KLHL29: variants seen among roughly 807,000 people sequenced by gnomAD.
KLHL29 encodes kelch like family member 29.
Under a neutral mutation model 80.4 loss-of-function variants are expected in KLHL29, and 21 were observed. The ratio of observed to expected loss-of-function variants is 0.26; its 90% CI spans 0.19 to 0.38. KLHL29 has a LOEUF of 0.38. KLHL29 is among the 10% of genes least tolerant of loss of function. The pLI, the probability that KLHL29 is intolerant of heterozygous loss-of-function variation, is 1.00. For synonymous variants in KLHL29, 511 were observed against 526.8 expected (o/e 0.97, Z 0.41); for missense variants, 867 against 1,223.9 (o/e 0.71, Z 4.35).
intron 2 of KLHL29, among the ~76,000 whole-genome samples, chr2:23,486,038 A>G (rs1664925412): frequency 6.6e-6 from 1 of 152,068 alleles, no homozygotes; most frequent in Admixed American, 6.6e-5. Context: ...CTCACCTGTC[A>G]GTCATCCTGC....
At chr2:23,412,126 G>GGC (rs1553319925) in intron 1 of KLHL29, among the ~76,000 whole-genome samples, 2 of 131,160 alleles carry the variant, frequency 1.5e-5, no homozygotes, top group African/African-American at 6.8e-5. Context: ...GCGTGAAGGG[G>GGC]GGGGGGGGGC....
chr2:23,444,861 A>G (rs17710455), intron 1 of KLHL29, among the ~76,000 whole-genome samples: 67,617 of 151,962 alleles, frequency 0.44, 15,812 homozygotes, highest in African/African-American at 0.6. Context: ...TTGTGTGATT[A>G]TGTTATCAAT....
intron 2 of KLHL29, among the ~76,000 whole-genome samples, chr2:23,521,362 C>T (rs1666097530): frequency 6.6e-6 from 1 of 152,238 alleles, no homozygotes; most frequent in South Asian, 2.1e-4. Context: ...AGTTTCCAAG[C>T]AGACTTTATT....
chr2:23,455,547 GCAGA>G (rs1331311627), intron 1 of KLHL29, among the ~76,000 whole-genome samples: 2 of 151,792 alleles, frequency 1.3e-5, no homozygotes, highest in Admixed American at 6.6e-5. Flanking sequence ...CTGAGGACAG[GCAGA>G]CAAGTTTGCC....
chr2:23,654,724 T>G (rs2149165802), intron 5 of KLHL29, among the ~76,000 whole-genome samples: 1 of 148,076 alleles, frequency 6.8e-6, no homozygotes, highest in Non-Finnish European at 1.5e-5. Flanking sequence ...GTTTTGTATG[T>G]GCCTACCACT....
intron 5 of KLHL29, among the ~76,000 whole-genome samples, chr2:23,661,536 C>T (rs1318659894): frequency 6.6e-6 from 1 of 152,174 alleles, no homozygotes; most frequent in East Asian, 1.9e-4. Context: ...GGGCTGGGCC[C>T]GAACCCCTCC....
chr2:23,664,923 C>T (rs1402947503), intron 5 of KLHL29, among the ~76,000 whole-genome samples: 2 of 152,198 alleles, frequency 1.3e-5, no homozygotes, highest in Non-Finnish European at 2.9e-5. Context: ...GGGAATCTCC[C>T]AAACAGCCTA....
Position 23,562,284 on chromosome 2 carries a change from A to T in KLHL29, c.88A>T (p.Thr30Ser), listed in dbSNP as rs1284960386. Residue 30 changes from threonine to serine, a missense_variant, in exon 3 of 14, where the codon ACC becomes TCC. Physicochemically the swap from Thr to Ser is moderately conservative, Grantham distance 58 (BLOSUM62 1). This residue lies in a region of KLHL29 where 424 missense variants were observed against 456.9 expected (regional missense o/e 0.93). Transcript: ENST00000486442. This position sits in a 1 kb window ranked among gnomAD's most constrained non-coding sequence, Gnocchi z 4.5. ...EWSVNGTHGT[T>S]SICSVTSGAG... ...GAGCGTCAACGGGACGCATGGGACC[A>T]CCAGCATCTGCAGTGTCACCTCGGG... The T allele has an allele frequency of 1.9e-6, 3 of 1,548,358 alleles. No individual in the cohort carries two copies. The South Asian group carries it at 3.6e-5, about 18-fold the overall frequency.
At chr2:23,464,965 T>G (rs1280667893) in intron 1 of KLHL29, among the ~76,000 whole-genome samples, 1 of 152,240 alleles carries the variant, frequency 6.6e-6, no homozygotes, top group Non-Finnish European at 1.5e-5. Context: ...ATGTATAATT[T>G]TAATAGATTC....
intron 5 of KLHL29, among the ~76,000 whole-genome samples, chr2:23,665,752 A>G (rs1473080223): frequency 6.6e-6 from 1 of 152,104 alleles, no homozygotes; most frequent in Non-Finnish European, 1.5e-5. Context: ...ATGCTTCTTT[A>G]AACAACCAGG....
chr2:23,589,868 G>A (rs958390747), intron 3 of KLHL29, among the ~76,000 whole-genome samples: 1 of 152,258 alleles, frequency 6.6e-6, no homozygotes, highest in African/African-American at 2.4e-5. Flanking sequence ...GCACAGGGCA[G>A]GTGAGGCTGC....
intron 1 of KLHL29, among the ~76,000 whole-genome samples, chr2:23,435,899 C>A (rs569046038): frequency 0.023 from 3,049 of 135,424 alleles, 35 homozygotes; most frequent in Middle Eastern, 0.07. Flanking sequence ...CTCTCTCTCT[C>A]TTTTTTTTTT....
At chr2:23,412,088 C>T (rs972029434) in intron 1 of KLHL29, among the ~76,000 whole-genome samples, 16 of 133,808 alleles carry the variant, frequency 1.2e-4, no homozygotes, top group African/African-American at 3.4e-4. Context: ...TGGAGTATGT[C>T]GGGTATGTAT....
At chr2:23,545,282 C>T (rs997871259) in intron 2 of KLHL29, among the ~76,000 whole-genome samples, 2 of 152,210 alleles carry the variant, frequency 1.3e-5, no homozygotes, top group African/African-American at 2.4e-5. Flanking sequence ...GCACAAGAGC[C>T]TCCTTCCAAG....
At chr2:23,588,453 G>T (rs1416002187) in intron 3 of KLHL29, among the ~76,000 whole-genome samples, 1 of 152,200 alleles carries the variant, frequency 6.6e-6, no homozygotes, top group Non-Finnish European at 1.5e-5. Context: ...ACATGCTTCA[G>T]CCACAGGCAA....
intron 1 of KLHL29, among the ~76,000 whole-genome samples, chr2:23,458,528 A>G (rs1206835778): frequency 2.6e-5 from 4 of 152,262 alleles, no homozygotes. Flanking sequence ...CTTATGCTCT[A>G]GGCAAGGAAG....
At chr2:23,513,073 C>T (rs1665822270) in intron 2 of KLHL29, among the ~76,000 whole-genome samples, 1 of 152,210 alleles carries the variant, frequency 6.6e-6, no homozygotes, top group Non-Finnish European at 1.5e-5. Flanking sequence ...GAAGGCCACA[C>T]CTCCTTAGAG....
At chr2:23,469,994 T>TG (rs572959633) in intron 1 of KLHL29, among the ~76,000 whole-genome samples, 15 of 150,500 alleles carry the variant, frequency 1.0e-4, no homozygotes, top group South Asian at 8.6e-4. Flanking sequence ...CATTTCATTT[T>TG]GGGGGGGTCT....
At position 23,585,621 on chromosome 2, in the gene KLHL29, C is replaced by T. The variant is rs185722588; in HGVS notation, c.285+23140C>T. Among the ~76,000 whole-genome samples the T allele has an allele frequency of 2.2e-3, 328 of 152,226 alleles. 1 individual carries two copies. The highest frequency in any genetic ancestry group is 4.0e-3 in the Non-Finnish European group (274 of 68,014). ...AATCCTAGGAAAGATCTATTTCCAC[C>T]TCCTCCCTTTCTGCCCCCCAGGCTC... On this transcript the variant is annotated intron_variant, in intron 3 of 13. Coordinates refer to ENST00000486442, the MANE Select transcript of KLHL29 (RefSeq NM_052920.2).
Sources: allele counts gnomAD v4.1 joint callset (sites outside exome capture counted in the v4.1 genomes callset), GRCh38; gene constraint gnomAD v4.1.1; regional missense constraint gnomAD v4.1.1; non-coding constraint Gnocchi (gnomAD v3.1); transcripts MANE v1.5; gene names NCBI Gene and HGNC (gene_info 2026-07-23, HGNC 2026-07-21).